MAGI1: variants seen among roughly 807,000 people sequenced by gnomAD.
MAGI1 encodes the protein membrane-associated guanylate kinase, WW and PDZ domain-containing protein 1.
Under a neutral mutation model 139.9 loss-of-function variants are expected in MAGI1, and 58 were observed. The observed-to-expected ratio is 0.41, with a 90% CI of 0.34 to 0.52. The LOEUF is 0.52. Among genes scored for constraint, MAGI1 ranks in the 20% least tolerant of loss-of-function variants. The pLI is 0.12. For missense variants in MAGI1, 1,874 were observed against 1,901.6 expected (o/e 0.99, Z 0.27); for synonymous variants, 812 against 737.9 (o/e 1.10, Z -1.63).
chr3:65,410,569 T>C (rs1013885253), intron 12 of MAGI1, among the ~76,000 whole-genome samples: 1 of 152,238 alleles, frequency 6.6e-6, no homozygotes, highest in South Asian at 2.1e-4. Flanking sequence ...ATTTTTAATA[T>C]AGCTTTATGA....
At chr3:65,633,306 C>G (rs948309657) in intron 1 of MAGI1, among the ~76,000 whole-genome samples, 1 of 152,138 alleles carries the variant, frequency 6.6e-6, no homozygotes, top group Non-Finnish European at 1.5e-5. Context: ...GGAAGCTATT[C>G]CCCGAGTGGT....
intron 1 of MAGI1, among the ~76,000 whole-genome samples, chr3:65,929,718 C>T (rs943710100): frequency 1.1e-4 from 17 of 152,134 alleles, no homozygotes; most frequent in African/African-American, 3.6e-4. Flanking sequence ...GAGACCCTTT[C>T]GGGGCACAAA....
intron 2 of MAGI1, among the ~76,000 whole-genome samples, chr3:65,518,936 T>C (rs1020237053): frequency 3.3e-5 from 5 of 151,962 alleles, no homozygotes; most frequent in Non-Finnish European, 2.9e-5. Context: ...GAAGTAGAAG[T>C]AGAATTACAA....
chr3:65,644,267 A>AT (rs1363636053), intron 1 of MAGI1, among the ~76,000 whole-genome samples: 1 of 152,230 alleles, frequency 6.6e-6, no homozygotes, highest in East Asian at 1.9e-4. Context: ...CATATGAAGA[A>AT]TAAAAAAAAC....
At chr3:65,705,596 A>G (rs758918280) in intron 1 of MAGI1, among the ~76,000 whole-genome samples, 61 of 152,232 alleles carry the variant, frequency 4.0e-4, no homozygotes, top group Non-Finnish European at 7.5e-4. Context: ...ATCACATTCA[A>G]TTGCAGAAAC....
intron 11 of MAGI1, among the ~76,000 whole-genome samples, chr3:65,430,458 C>G (rs771109341): frequency 2.0e-5 from 3 of 152,074 alleles, no homozygotes; most frequent in Non-Finnish European, 4.4e-5. Context: ...TAACTCATTG[C>G]TTTACTGTAC....
intron 1 of MAGI1, among the ~76,000 whole-genome samples, chr3:65,795,297 G>A (rs1449697897): frequency 6.6e-6 from 1 of 152,032 alleles, no homozygotes; most frequent in Non-Finnish European, 1.5e-5. Flanking sequence ...TTCTTCAATA[G>A]CTGAGTGGCT....
chr3:65,396,723 G>A (rs182756941), intron 13 of MAGI1, among the ~76,000 whole-genome samples: 6 of 152,292 alleles, frequency 3.9e-5, no homozygotes, highest in Non-Finnish European at 2.9e-5. Context: ...CTACTGCAGC[G>A]ATTTACATGG....
chr3:65,903,499 A>T (rs2061320950), intron 1 of MAGI1, among the ~76,000 whole-genome samples: 1 of 152,084 alleles, frequency 6.6e-6, no homozygotes, highest in African/African-American at 2.4e-5. Context: ...CACAAAGAGC[A>T]CTCATGAAAT....
chr3:65,963,336 G>A (rs1159004809), intron 1 of MAGI1, among the ~76,000 whole-genome samples: 1 of 76,170 alleles, frequency 1.3e-5, no homozygotes, highest in Admixed American at 1.1e-4. Context: ...AAAGTAGCTC[G>A]GCCAGGTGTG....
chr3:65,541,817 T>A (rs936128548), intron 2 of MAGI1, among the ~76,000 whole-genome samples: 12 of 152,096 alleles, frequency 7.9e-5, no homozygotes, highest in Non-Finnish European at 1.6e-4. Flanking sequence ...AAATATCATG[T>A]TGAATGGGCA....
chr3:65,440,094 CA>C (rs1392449578), intron 8 of MAGI1, 82 bp from the exon 9 acceptor site: 23 of 1,484,020 alleles, frequency 1.5e-5, no homozygotes, highest in Non-Finnish European at 2.2e-5. Context: ...TCCCTGGAAT[CA>C]AACTGAGCAG....
chr3:65,614,390 C>A (rs1005191072), intron 2 of MAGI1, among the ~76,000 whole-genome samples: 1 of 152,136 alleles, frequency 6.6e-6, no homozygotes, highest in Non-Finnish European at 1.5e-5. Context: ...AAACTCAGCT[C>A]TGTAAGTGTA....
At chr3:65,420,569 C>T (rs1946566197) in intron 12 of MAGI1, among the ~76,000 whole-genome samples, 1 of 152,156 alleles carries the variant, frequency 6.6e-6, no homozygotes, top group Non-Finnish European at 1.5e-5. Flanking sequence ...CTGCTCTATT[C>T]CCAGTGCCTA....
intron 1 of MAGI1, among the ~76,000 whole-genome samples, chr3:65,713,139 GTTCATTGGCATTTGC>G (rs1447315651): frequency 6.6e-6 from 1 of 152,172 alleles, no homozygotes; most frequent in African/African-American, 2.4e-5. Flanking sequence ...GCCAGTTTCT[GTTCATTGGCATTTGC>G]AGCAGGCCCT....
chr3:65,762,180 T>C (rs1305359434), intron 1 of MAGI1, among the ~76,000 whole-genome samples: 1 of 152,164 alleles, frequency 6.6e-6, no homozygotes, highest in Non-Finnish European at 1.5e-5. Flanking sequence ...GAGGGCAGTC[T>C]ATGAACAATC....
intron 18 of MAGI1, 65 bp downstream of exon 18, chr3:65,375,674 AGAAAAG>A (rs1458430604): frequency 1.6e-6 from 2 of 1,273,962 alleles, no homozygotes; most frequent in Non-Finnish European, 2.2e-6. Flanking sequence ...AGAGAGAAAG[AGAAAAG>A]GAAAAGACAG....
chr3:65,414,833 C>T lies in MAGI1; in HGVS notation c.2168-13363G>A, dbSNP rs1189333656. On this transcript the variant is annotated intron_variant, in intron 12 of 22. Coordinates refer to ENST00000402939, the MANE Select transcript of MAGI1 (RefSeq NM_001033057.2). ...CAGATCACCTGACCAGCCAGATCAA[C>T]ATGGAGAAACCCCGTCTCTACTAAA... Among the ~76,000 whole-genome samples, 3 of 146,552 alleles carry T rather than the reference C, an allele frequency of 2.0e-5. No individual in the cohort carries two copies. The South Asian group carries it at 6.6e-4, about 32-fold the overall frequency.
intron 17 of MAGI1, among the ~76,000 whole-genome samples, chr3:65,378,386 A>C (rs934592861): frequency 6.6e-6 from 1 of 152,196 alleles, no homozygotes; most frequent in Non-Finnish European, 1.5e-5. Flanking sequence ...CAGTAAAAAT[A>C]TTATTTAAAA....
Sources: gnomAD v4.1 joint callset for allele counts (sites outside exome capture counted in the v4.1 genomes callset) on GRCh38, gnomAD v4.1.1 for gene constraint, MANE v1.5 for transcripts, NCBI Gene and HGNC (gene_info 2026-07-23, HGNC 2026-07-21) for gene names.